The following TRMT9B variants were observed in gnomAD, a reference collection of about 807,000 sequenced individuals.
The protein encoded by TRMT9B is probable tRNA methyltransferase 9B.
Under a neutral mutation model 11.5 loss-of-function variants are expected in TRMT9B, and 16 were observed. The ratio of observed to expected loss-of-function variants is 1.39; its 90% CI spans 0.94 to 2.11. The LOEUF is 2.11. Among genes scored for constraint, TRMT9B ranks in the 30% most tolerant of loss-of-function variants. The pLI, the probability that TRMT9B is intolerant of heterozygous loss-of-function variation, is 0.00. For synonymous variants in TRMT9B, 274 were observed against 192.4 expected (o/e 1.42, Z -3.51); for missense variants, 941 against 553.8 (o/e 1.70, Z -7.02).
rs867424589 is a variant in TRMT9B at position 12,999,348 on chromosome 8, G to T, written c.-1-6854G>T. ...AAAAAAAAAAGAAAGATTGTTCAGG[G>T]TGGGAGAAGATGGGAGGGGTGATTT... is the stretch of plus-strand genomic sequence containing the variant. On this transcript the variant is annotated intron_variant, in intron 2 of 4. Coordinates refer to ENST00000524591, the MANE Select transcript of TRMT9B (RefSeq NM_020844.3). 2.6e-5 allele frequency among the ~76,000 whole-genome samples: 4 copies of T among 151,490 alleles called. No individual in the cohort carries two copies. The South Asian group carries it at 8.4e-4, about 32-fold the overall frequency.
chr8:13,010,140 A>G, intron 3 of TRMT9B: 1 of 597,806 alleles, frequency 1.7e-6, no homozygotes, highest in Non-Finnish European at 2.1e-6. Flanking sequence ...CCTATCTGAA[A>G]AAAAAAAAAA....
chr8:13,022,092 CT>C lies in TRMT9B; in HGVS notation c.*49del. The C allele has an allele frequency of 7.5e-7, 1 of 1,328,508 alleles. No homozygotes were observed. The highest frequency in any genetic ancestry group is 1.5e-5 in the South Asian group (1 of 66,938). The allele number at this position is 1,328,508 out of a possible 1,614,324, so 82.3% of individuals were successfully genotyped here. A position where few individuals can be genotyped will look rare whatever the true frequency, so the allele number is the denominator to read the frequency against. The stretch of plus-strand genomic sequence containing the variant: ...TCCAAAAGATGAACCACATTCTTTC[CT>C]CTTGGTTTGATATGGTTACCTGAAT... On this transcript the variant is annotated 3_prime_UTR_variant, in exon 5 of 5. Transcript: ENST00000524591.
intron 1 of TRMT9B, among the ~76,000 whole-genome samples, chr8:12,956,833 T>C (rs957652210): frequency 6.6e-6 from 1 of 152,234 alleles, no homozygotes; most frequent in African/African-American, 2.4e-5. Context: ...CCCTGGTGCT[T>C]GTCAGATTCC....
At chr8:13,018,522 TTG>T (rs761142710) in intron 4 of TRMT9B, among the ~76,000 whole-genome samples, 1 of 152,186 alleles carries the variant, frequency 6.6e-6, no homozygotes, top group Non-Finnish European at 1.5e-5. Flanking sequence ...AAAGGTTTTT[TTG>T]TCTTATACCA....
chr8:12,975,959 TCA>T (rs1213979548), intron 1 of TRMT9B, among the ~76,000 whole-genome samples: 1 of 152,168 alleles, frequency 6.6e-6, no homozygotes, highest in African/African-American at 2.4e-5. Context: ...TAATATTTTC[TCA>T]GTTCTATATG....
At chr8:13,001,677 GA>G (rs1306163679) in intron 2 of TRMT9B, among the ~76,000 whole-genome samples, 1 of 152,094 alleles carries the variant, frequency 6.6e-6, no homozygotes, top group Admixed American at 6.5e-5. Flanking sequence ...ATAATTCTGA[GA>G]AAAAAGCGAG....
At chr8:12,952,995 C>G (rs149707029) in intron 1 of TRMT9B, among the ~76,000 whole-genome samples, 19 of 152,056 alleles carry the variant, frequency 1.2e-4, no homozygotes, top group Non-Finnish European at 2.6e-4. Context: ...GCCTCGGCCT[C>G]CCAAAGTGCT....
At chr8:12,952,797 T>C (rs1226916998) in intron 1 of TRMT9B, 13 of 517,936 alleles carry the variant, frequency 2.5e-5, no homozygotes, top group Non-Finnish European at 3.0e-5. Context: ...TGGAGTGCAA[T>C]GGCACGATCT....
At chr8:12,994,306 G>A (rs1264980943) in intron 2 of TRMT9B, among the ~76,000 whole-genome samples, 1 of 152,126 alleles carries the variant, frequency 6.6e-6, no homozygotes, top group Non-Finnish European at 1.5e-5. Flanking sequence ...ACCTCTGATG[G>A]ACCCTCTGCT....
chr8:13,020,008 C>T (rs1450806812), intron 4 of TRMT9B, among the ~76,000 whole-genome samples: 3 of 152,122 alleles, frequency 2.0e-5, no homozygotes, highest in East Asian at 3.9e-4. Context: ...TATTTCTTTA[C>T]TAGTTTGATC....
intron 4 of TRMT9B, among the ~76,000 whole-genome samples, chr8:13,019,638 A>C (rs562145026): frequency 6.6e-6 from 1 of 152,344 alleles, no homozygotes; most frequent in African/African-American, 2.4e-5. Context: ...AAATGTGAGC[A>C]TTAGCAGTGG....
rs1054317372 is a variant in TRMT9B, at chr8:13,021,625, T to C, written c.946T>C (p.Ser316Pro). Reference protein sequence around the residue: ...SLDEEVFVESSSGKHLEWLRA... With the variant: ...SLDEEVFVESPSGKHLEWLRA... ...AGATGAGGAAGTGTTTGTGGAATCTTCTTCTGGAAAACACTTGGAGTGGCT... is the reference window on the plus strand; with the variant it reads ...AGATGAGGAAGTGTTTGTGGAATCTCCTTCTGGAAAACACTTGGAGTGGCT... Residue 316 changes from serine (S) to proline (P), a missense_variant, in exon 5 of 5, where the codon TCT becomes CCT. Ser to Pro is a moderately conservative substitution (Grantham distance 74, BLOSUM62 -1). Coordinates refer to ENST00000524591, the MANE Select transcript of TRMT9B (RefSeq NM_020844.3). The C allele has an allele frequency of 3.7e-6, 6 of 1,613,820 alleles. No homozygotes were observed. Among genetic ancestry groups the C allele is most frequent in the Non-Finnish European group, 5.1e-6 (6 of 1,179,804 alleles).
chr8:12,973,003 A>T (rs1331690152), intron 1 of TRMT9B, among the ~76,000 whole-genome samples: 1 of 152,130 alleles, frequency 6.6e-6, no homozygotes, highest in Non-Finnish European at 1.5e-5. Context: ...CTGACTCCCC[A>T]GGCCCTGGGA....
chr8:12,992,704 G>GA lies in TRMT9B; in HGVS notation c.-2+1683dup, dbSNP rs367670235. On this transcript the variant is annotated intron_variant, in intron 2 of 4. Coordinates refer to ENST00000524591, the MANE Select transcript of TRMT9B (RefSeq NM_020844.3). ...CCATCTCTACTAAAATACAAAAAAA[G>GA]AAAAAAAAAAGCCAGGTGTGACGGC... Among the ~76,000 whole-genome samples, 143 of 146,246 alleles carry GA rather than the reference G, an allele frequency of 9.8e-4. No individual in the cohort carries two copies. In the Middle Eastern group the frequency reaches 0.014, roughly 14 times the overall value.
intron 1 of TRMT9B, among the ~76,000 whole-genome samples, chr8:12,948,933 C>G (rs1241088962): frequency 2.6e-5 from 4 of 152,294 alleles, no homozygotes; most frequent in African/African-American, 9.6e-5. Flanking sequence ...GCACTCCAGC[C>G]TGGGTGACAG....
chr8:13,019,906 C>A lies in TRMT9B; in HGVS notation c.329-1102C>A, dbSNP rs140751913. Among the ~76,000 whole-genome samples the A allele has an allele frequency of 2.3e-3, 353 of 152,276 alleles. 1 individual carries two copies. Among genetic ancestry groups the A allele is most frequent in the African/African-American group, 8.0e-3 (331 of 41,544 alleles). ...CACCCTCACACCTCTGGCTTTCTTA[C>A]ATTACTGCATGGTAGAGATACCAAG... On this transcript the variant is annotated intron_variant, in intron 4 of 4. Coordinates refer to ENST00000524591, the MANE Select transcript of TRMT9B (RefSeq NM_020844.3).
At chr8:12,955,667 C>T in intron 1 of TRMT9B, among the ~76,000 whole-genome samples, 1 of 152,274 alleles carries the variant, frequency 6.6e-6, no homozygotes, top group East Asian at 1.9e-4. Flanking sequence ...ATCGAATGTG[C>T]TCATTTCTAC....
At chr8:12,978,424 T>C (rs1420589827) in intron 1 of TRMT9B, among the ~76,000 whole-genome samples, 1 of 152,206 alleles carries the variant, frequency 6.6e-6, no homozygotes, top group Non-Finnish European at 1.5e-5. Flanking sequence ...TTTCTTTACC[T>C]ACAACTGTCT....
chr8:12,983,041 A>G (rs1805673824), intron 1 of TRMT9B, among the ~76,000 whole-genome samples: 1 of 152,226 alleles, frequency 6.6e-6, no homozygotes, highest in South Asian at 2.1e-4. Flanking sequence ...AGCTGCGTGC[A>G]TTACTCAGTG....
Sources: allele counts gnomAD v4.1 joint callset (sites outside exome capture counted in the v4.1 genomes callset), GRCh38; gene constraint gnomAD v4.1.1; transcripts MANE v1.5; gene names NCBI Gene and HGNC (gene_info 2026-07-23, HGNC 2026-07-21).